Variants in CREB3L1 observed in about 807,000 individuals in gnomAD.
CREB3L1 encodes the protein cAMP responsive element binding protein 3 like 1, also known as cyclic AMP-responsive element-binding protein 3-like protein 1.
In CREB3L1, 33 loss-of-function variants were observed where a neutral mutation model predicts 54.5. That is an observed-to-expected ratio of 0.61 (90% CI 0.46 to 0.81). The LOEUF (loss-of-function observed/expected upper bound fraction) is 0.81. CREB3L1 is among the 30% of genes least tolerant of loss of function. The pLI is 0.00. For missense variants in CREB3L1, 656 were observed against 673.3 expected (o/e 0.97, Z 0.29); for synonymous variants, 284 against 286.4 (o/e 0.99, Z 0.08).
chr11:46,320,350 G>C lies in CREB3L1; in HGVS notation c.1345G>C (p.Asp449His). ...CACCCTGCTGCCCATGGAGCCCCCA[G>C]ATGGCTGGGAAATCAACCCCGGGGG... is the stretch of plus-strand genomic sequence containing the variant. ...RSTLLPMEPP[D>H]GWEINPGGPA... The change falls in exon 11 of 12, where the codon GAT becomes CAT. Residue 449 changes from aspartate (D) to histidine (H), a missense_variant. By Grantham distance (81) the Asp-to-His change is moderately conservative (BLOSUM62 -1). Transcript: ENST00000621158. The C allele has an allele frequency of 6.2e-7, 1 of 1,612,240 alleles. No homozygotes were observed. The highest frequency in any genetic ancestry group is 8.5e-7 in the Non-Finnish European group (1 of 1,179,206).
chr11:46,314,638 G>A (rs967368080), intron 8 of CREB3L1, among the ~76,000 whole-genome samples: 17 of 151,772 alleles, frequency 1.1e-4, no homozygotes, highest in Non-Finnish European at 1.3e-4. Context: ...GGCTCCCAAA[G>A]TGCTGGGATT....
At chr11:46,288,312 C>G (rs1444680605) in intron 1 of CREB3L1, among the ~76,000 whole-genome samples, 1 of 152,126 alleles carries the variant, frequency 6.6e-6, no homozygotes, top group Admixed American at 6.5e-5. Context: ...AAACTCCTGG[C>G]CTCAAGTGAT....
chr11:46,315,956 A>C (rs910598094), intron 8 of CREB3L1: 2 of 273,298 alleles, frequency 7.3e-6, no homozygotes, highest in Non-Finnish European at 7.0e-6. Flanking sequence ...AGGGAAGGTC[A>C]GTGAAACTGT....
At chr11:46,305,652 GTATATATGTGTGTA>G (rs1939377743) in intron 2 of CREB3L1, among the ~76,000 whole-genome samples, 2 of 99,368 alleles carry the variant, frequency 2.0e-5, no homozygotes, top group African/African-American at 4.1e-5. Context: ...ATATATGTGT[GTATATATGTGTGTA>G]TATATATGTG....
In CREB3L1 at chr11:46,295,887, C is replaced by A. The variant is rs1939204349; in HGVS notation, c.103-4048C>A. On this transcript the variant is annotated intron_variant, in intron 1 of 11. Coordinates refer to ENST00000621158, the MANE Select transcript of CREB3L1 (RefSeq NM_052854.4). The surrounding 1 kb of genome is among the most constrained non-coding windows in gnomAD (Gnocchi z 4.6). ...GTCTGCAAGCAGGAGAGCTCGGGAA[C>A]CTCTCCTCCAAGGGAGGGAAGCCGG... Among the ~76,000 whole-genome samples the A allele has an allele frequency of 6.6e-6, 1 of 152,208 alleles. No individual in the cohort carries two copies. Among genetic ancestry groups the A allele is most frequent in the Admixed American group, 6.5e-5 (1 of 15,290 alleles).
intron 2 of CREB3L1, among the ~76,000 whole-genome samples, chr11:46,303,496 T>C (rs1939332522): frequency 6.8e-6 from 1 of 147,718 alleles, no homozygotes; most frequent in Non-Finnish European, 1.5e-5. Flanking sequence ...ATACAAAAAT[T>C]AGTTGGGAGT....
rs1249962571 is a variant in CREB3L1 at position 46,312,606 on chromosome 11, C to A, written c.904-6C>A. The A allele has an allele frequency of 2.5e-6, 4 of 1,611,164 alleles. No individual in the cohort carries two copies. Among genetic ancestry groups the A allele is most frequent in the Non-Finnish European group, 3.4e-6 (4 of 1,178,696 alleles). ...CTAACCCTTGTTTTCGGGCCTCCCC[C>A]TCTAGATCTCAGCCCAGGAGAGCCG... On this transcript the variant is annotated splice_region_variant and splice_polypyrimidine_tract_variant and intron_variant, in intron 6 of 11. Coordinates refer to ENST00000621158, the MANE Select transcript of CREB3L1 (RefSeq NM_052854.4).
chr11:46,303,316 C>T (rs921032181), intron 2 of CREB3L1, among the ~76,000 whole-genome samples: 1 of 152,108 alleles, frequency 6.6e-6, no homozygotes, highest in Admixed American at 6.6e-5. Context: ...ATACAAAATA[C>T]CCTGCTAAGT....
chr11:46,303,297 A>AAT (rs962764822), intron 2 of CREB3L1, among the ~76,000 whole-genome samples: 2 of 152,114 alleles, frequency 1.3e-5, no homozygotes, highest in Admixed American at 6.6e-5. Context: ...CAGGCTTAAA[A>AAT]ATATATATAT....
At chr11:46,288,204 C>T (rs111637706) in intron 1 of CREB3L1, among the ~76,000 whole-genome samples, 23,455 of 152,054 alleles carry the variant, frequency 0.15, 2,247 homozygotes, top group Middle Eastern at 0.28. Context: ...GCCTCAGTCT[C>T]CCGAGTAGCT....
In CREB3L1 at chr11:46,311,298, C is replaced by G. The variant is rs1041204424; in HGVS notation, c.753+109C>G. On this transcript the variant is annotated intron_variant, in intron 5 of 11. Transcript: ENST00000621158. ...GGGAGCCCCGAGACTGATCCCCACCCTCATCAGAATTCAGAGGGATGCTTA... is the reference window on the plus strand; with the variant it reads ...GGGAGCCCCGAGACTGATCCCCACCGTCATCAGAATTCAGAGGGATGCTTA... 4 of 1,331,734 alleles carry G rather than the reference C, an allele frequency of 3.0e-6. No homozygotes were observed. In the African/African-American group the frequency reaches 6.1e-5, roughly 20 times the overall value. The allele number at this position is 1,331,734 out of a possible 1,614,324, so 82.5% of individuals were successfully genotyped here.
At chr11:46,296,266 G>A (rs1475257473) in intron 1 of CREB3L1, among the ~76,000 whole-genome samples, 1 of 152,104 alleles carries the variant, frequency 6.6e-6, no homozygotes, top group Non-Finnish European at 1.5e-5. Flanking sequence ...GGAGGTCTGA[G>A]GTCTCCAAAA....
chr11:46,311,243 C>CTATGAGATAATGTTTCT, intron 5 of CREB3L1, 54 bp downstream of exon 5: 1 of 1,455,064 alleles, frequency 6.9e-7, no homozygotes. Flanking sequence ...ATACATCCAC[C>CTATGAGATAATGTTTCT]TGAGCACACT....
At chr11:46,316,048 G>A (rs1939561733) in intron 8 of CREB3L1, 1 of 433,312 alleles carries the variant, frequency 2.3e-6, no homozygotes, top group African/African-American at 2.0e-5. Flanking sequence ...CCTTGGCCAG[G>A]AGCATCACAG....
chr11:46,298,543 C>G (rs1316585293), intron 1 of CREB3L1, among the ~76,000 whole-genome samples: 1 of 152,002 alleles, frequency 6.6e-6, no homozygotes, highest in Non-Finnish European at 1.5e-5. Context: ...ACTGAAAATA[C>G]AAAAAATTAG....
chr11:46,317,227 C>T (rs1234255797), intron 9 of CREB3L1, 134 bp from the exon 10 acceptor site: 10 of 1,156,172 alleles, frequency 8.6e-6, no homozygotes, highest in African/African-American at 1.5e-5. Flanking sequence ...AGGGAGTGGT[C>T]GACTGGAGCA....
chr11:46,315,508 G>A (rs1939554714), intron 8 of CREB3L1: 1 of 203,270 alleles, frequency 4.9e-6, no homozygotes. Flanking sequence ...ATAAATAAAC[G>A]AAGTGCCGTG....
chr11:46,291,175 T>A (rs1939124133), intron 1 of CREB3L1, among the ~76,000 whole-genome samples: 1 of 152,150 alleles, frequency 6.6e-6, no homozygotes. Flanking sequence ...CTCTTCTCCT[T>A]GGAAGGGAGA....
Position 46,277,739 on chromosome 11 carries a change from G to T in CREB3L1, c.-373G>T, listed in dbSNP as rs1938893465. ...GGCCGGCAGCCACCCAGTCTCGGGG[G>T]AGCACTTAGCTCCCCCGCCCCGGCT... On this transcript the variant is annotated 5_prime_UTR_variant, in exon 1 of 12. Coordinates refer to ENST00000621158, the MANE Select transcript of CREB3L1 (RefSeq NM_052854.4). 8.8e-6 allele frequency: 2 copies of T among 227,246 alleles called. No homozygotes were observed. Among genetic ancestry groups the T allele is most frequent in the African/African-American group, 2.2e-5 (1 of 44,542 alleles). 14.1% of individuals were successfully genotyped at this position (227,246 alleles called of 1,614,324 possible).
Sources: gnomAD v4.1 joint callset for allele counts (sites outside exome capture counted in the v4.1 genomes callset) on GRCh38, gnomAD v4.1.1 for gene constraint, Gnocchi (gnomAD v3.1) non-coding constraint, MANE v1.5 for transcripts, NCBI Gene and HGNC (gene_info 2026-07-23, HGNC 2026-07-21) for gene names.